Variants in SMAD1 observed in about 807,000 individuals in gnomAD.
SMAD1 encodes SMAD family member 1.
Under a neutral mutation model 41.6 loss-of-function variants are expected in SMAD1, and 6 were observed. The ratio of observed to expected loss-of-function variants is 0.14; its 90% CI spans 0.08 to 0.28. SMAD1 has a LOEUF of 0.28. Ranked by LOEUF, SMAD1 falls within the 10% of genes least tolerant of loss-of-function variation. The pLI is 1.00. For missense variants in SMAD1, 379 were observed against 582.6 expected, an observed-to-expected ratio of 0.65 and a Z score of 3.60; for synonymous variants, 206 against 203.2, an observed-to-expected ratio of 1.01 and a Z score of -0.12.
At chr4:145,504,723 A>G (rs1295657902) in intron 1 of SMAD1, among the ~76,000 whole-genome samples, 1 of 152,164 alleles carries the variant, frequency 6.6e-6, no homozygotes, top group African/African-American at 2.4e-5. Context: ...AGCTTTATCA[A>G]AAGTTTGTAA....
At chr4:145,534,806 C>T (rs376739169) in intron 2 of SMAD1, among the ~76,000 whole-genome samples, 2 of 152,112 alleles carry the variant, frequency 1.3e-5, no homozygotes, top group African/African-American at 4.8e-5. Flanking sequence ...TTTATATGCA[C>T]TAGAAGTATG....
At chr4:145,486,083 A>G (rs1728467860) in intron 1 of SMAD1, among the ~76,000 whole-genome samples, 1 of 152,206 alleles carries the variant, frequency 6.6e-6, no homozygotes, top group Non-Finnish European at 1.5e-5. Context: ...GTGCTTTACT[A>G]TGCCAGTATA....
intron 1 of SMAD1, among the ~76,000 whole-genome samples, chr4:145,500,653 T>G (rs1291869111): frequency 4.6e-5 from 7 of 152,162 alleles, no homozygotes; most frequent in African/African-American, 1.4e-4. Context: ...TTTCTAGTGC[T>G]TAGAATAGTG....
chr4:145,552,892 ATGTTGTTGT>A (rs111591261), intron 5 of SMAD1, among the ~76,000 whole-genome samples: 5 of 150,972 alleles, frequency 3.3e-5, no homozygotes, highest in East Asian at 1.9e-4. Context: ...AAATTGCTAC[ATGTTGTTGT>A]TGTTGTTGTT....
chr4:145,550,036 T>C (rs1732472087), intron 5 of SMAD1, among the ~76,000 whole-genome samples: 2 of 152,084 alleles, frequency 1.3e-5, no homozygotes, highest in African/African-American at 2.4e-5. Flanking sequence ...TAAAACATTA[T>C]TAAGAAAATA....
At chr4:145,498,393 C>A (rs981258997) in intron 1 of SMAD1, among the ~76,000 whole-genome samples, 1 of 152,116 alleles carries the variant, frequency 6.6e-6, no homozygotes, top group African/African-American at 2.4e-5. Context: ...GATACACTTT[C>A]AATTATTTTT....
chr4:145,497,763 G>C (rs1028202640), intron 1 of SMAD1: 1 of 152,182 alleles, frequency 6.6e-6, no homozygotes, highest in African/African-American at 2.4e-5. Context: ...TAATTCTATA[G>C]GTGATGCTTG....
intron 1 of SMAD1, among the ~76,000 whole-genome samples, chr4:145,510,609 C>T (rs1730025074): frequency 6.6e-6 from 1 of 152,010 alleles, no homozygotes; most frequent in Non-Finnish European, 1.5e-5. Context: ...TATTTTGATA[C>T]AGATTGAGAT....
chr4:145,528,799 C>T lies in SMAD1; in HGVS notation c.401-11005C>T, dbSNP rs542055398. 1.1e-4 allele frequency among the ~76,000 whole-genome samples: 16 copies of T among 152,312 alleles called. 1 individual carries two copies. In the South Asian group the frequency reaches 2.5e-3, roughly 24 times the overall value. On this transcript the variant is annotated intron_variant, in intron 2 of 6. Coordinates refer to ENST00000302085, the MANE Select transcript of SMAD1 (RefSeq NM_005900.3). ...ACTTTGTTAAAACTAACTTGTGCAA[C>T]GTTGAGAGACACCATAGCACGGTGG...
chr4:145,506,922 A>C (rs898539303), intron 1 of SMAD1, among the ~76,000 whole-genome samples: 1 of 152,176 alleles, frequency 6.6e-6, no homozygotes, highest in Admixed American at 6.5e-5. Context: ...AATATTAAGG[A>C]ATAACACATA....
At chr4:145,554,636 T>C (rs140805496) in intron 6 of SMAD1, among the ~76,000 whole-genome samples, 18 of 152,304 alleles carry the variant, frequency 1.2e-4, no homozygotes, top group African/African-American at 3.8e-4. Context: ...TAAGGTTTGA[T>C]GAGGGAAGAG....
chr4:145,484,138 GA>G (rs970899926), intron 1 of SMAD1, among the ~76,000 whole-genome samples: 4 of 152,222 alleles, frequency 2.6e-5, no homozygotes, highest in East Asian at 3.9e-4. Context: ...TAGTAGATTG[GA>G]AAAAGAAGTA....
At chr4:145,535,272 G>A (rs1731548331) in intron 2 of SMAD1, among the ~76,000 whole-genome samples, 1 of 152,020 alleles carries the variant, frequency 6.6e-6, no homozygotes, top group Admixed American at 6.6e-5. Context: ...ATTGGAAAGG[G>A]GTACTTGACA....
intron 5 of SMAD1, among the ~76,000 whole-genome samples, chr4:145,548,450 C>T (rs572688138): frequency 2.6e-5 from 4 of 152,122 alleles, no homozygotes; most frequent in African/African-American, 9.6e-5. Flanking sequence ...AGGCTGGTCT[C>T]GAACTAACCT....
chr4:145,530,850 C>T lies in SMAD1; in HGVS notation c.401-8954C>T, dbSNP rs1731280444. Among the ~76,000 whole-genome samples, 3 of 152,238 alleles carry T rather than the reference C, an allele frequency of 2.0e-5. No individual in the cohort carries two copies. The South Asian group carries it at 6.2e-4, about 32-fold the overall frequency. Reference sequence around the variant, plus strand: ...TAGTGGTTATGAGCAGACCTTGATTCACATCCTGGCCCTCAATTAGCAGCT... The same window carrying T: ...TAGTGGTTATGAGCAGACCTTGATTTACATCCTGGCCCTCAATTAGCAGCT... On this transcript the variant is annotated intron_variant, in intron 2 of 6. Transcript: ENST00000302085.
intron 2 of SMAD1, among the ~76,000 whole-genome samples, chr4:145,518,954 T>C (rs1189565130): frequency 8.0e-6 from 1 of 125,626 alleles, no homozygotes; most frequent in East Asian, 2.0e-4. Context: ...CATGTATACA[T>C]TGTGGAATGA....
At chr4:145,555,524 T>C (rs1308691346) in intron 6 of SMAD1, among the ~76,000 whole-genome samples, 1 of 152,214 alleles carries the variant, frequency 6.6e-6, no homozygotes, top group South Asian at 2.1e-4. Flanking sequence ...TCAGTGAGTC[T>C]GTTATTGAAG....
chr4:145,504,919 T>G (rs1280012807), intron 1 of SMAD1, among the ~76,000 whole-genome samples: 2 of 152,258 alleles, frequency 1.3e-5, no homozygotes, highest in African/African-American at 4.8e-5. Flanking sequence ...TTTAAAATAT[T>G]TATTGGCCTT....
At chr4:145,529,638 C>G (rs1578797314) in intron 2 of SMAD1, among the ~76,000 whole-genome samples, 1 of 152,172 alleles carries the variant, frequency 6.6e-6, no homozygotes, top group Non-Finnish European at 1.5e-5. Flanking sequence ...CCAGCCTTTT[C>G]CATGTCATTT....
Sources: gnomAD v4.1 joint callset for allele counts (sites outside exome capture counted in the v4.1 genomes callset) on GRCh38, gnomAD v4.1.1 for gene constraint, MANE v1.5 for transcripts, NCBI Gene and HGNC (gene_info 2026-07-23, HGNC 2026-07-21) for gene names.